Variants in DPP10 observed in about 807,000 individuals in gnomAD.
DPP10 encodes dipeptidyl peptidase like 10.
In DPP10, 33 loss-of-function variants were observed where a neutral mutation model predicts 120.9. The ratio of observed to expected loss-of-function variants is 0.27; its 90% CI spans 0.21 to 0.37. The LOEUF is 0.37. Among genes scored for constraint, DPP10 ranks in the 10% least tolerant of loss-of-function variants. The pLI, the probability that DPP10 is intolerant of heterozygous loss-of-function variation, is 1.00. For missense variants in DPP10, 816 were observed against 942.8 expected, an observed-to-expected ratio of 0.87 and a Z score of 1.76; for synonymous variants, 337 against 326.1, an observed-to-expected ratio of 1.03 and a Z score of -0.36.
chr2:115,395,876 G>C (rs991525696), intron 3 of DPP10, among the ~76,000 whole-genome samples: 2 of 151,812 alleles, frequency 1.3e-5, no homozygotes, highest in Non-Finnish European at 2.9e-5. Context: ...ATGTGTTGCT[G>C]TACATACTAT....
intron 3 of DPP10, among the ~76,000 whole-genome samples, chr2:115,414,407 A>G (rs1245668802): frequency 1.3e-5 from 2 of 152,146 alleles, no homozygotes; most frequent in African/African-American, 2.4e-5. Context: ...ATCATCTTTT[A>G]TCTCAACACT....
chr2:114,494,678 A>C (rs892167639), intron 1 of DPP10, among the ~76,000 whole-genome samples: 3 of 152,260 alleles, frequency 2.0e-5, no homozygotes, highest in South Asian at 2.1e-4. Flanking sequence ...TTCAAAAGGG[A>C]GTGACATACC....
chr2:114,798,598 A>AGAGC (rs1268259692), intron 1 of DPP10, among the ~76,000 whole-genome samples: 13 of 152,138 alleles, frequency 8.5e-5, no homozygotes, highest in African/African-American at 3.1e-4. Flanking sequence ...AATAATAAGC[A>AGAGC]GAGCTAAAGT....
chr2:114,490,478 G>A (rs1388728332), intron 1 of DPP10, among the ~76,000 whole-genome samples: 1 of 144,408 alleles, frequency 6.9e-6, no homozygotes, highest in South Asian at 2.2e-4. Context: ...GGCAGGTAAA[G>A]GGCCCTTGAG....
intron 1 of DPP10, among the ~76,000 whole-genome samples, chr2:115,191,752 G>A (rs1329223292): frequency 6.6e-6 from 1 of 152,096 alleles, no homozygotes; most frequent in Non-Finnish European, 1.5e-5. Context: ...AGGCCGGTTC[G>A]AGCTTTTCCT....
intron 1 of DPP10, among the ~76,000 whole-genome samples, chr2:114,803,771 G>C (rs564279080): frequency 6.6e-6 from 1 of 151,982 alleles, no homozygotes; most frequent in African/African-American, 2.4e-5. Flanking sequence ...CAGTTTATAA[G>C]GGAAGCACAG....
chr2:115,538,771 G>A lies in DPP10; in HGVS notation c.441+12799G>A, dbSNP rs572375343. Among the ~76,000 whole-genome samples, 46 of 152,024 alleles carry A rather than the reference G, an allele frequency of 3.0e-4. No homozygotes were observed. In the South Asian group the frequency reaches 8.1e-3, roughly 27 times the overall value. On this transcript the variant is annotated intron_variant, in intron 5 of 25. Transcript: ENST00000410059. ...TAATAAAATTAAACTACCTAGAACC[G>A]TGTGCCAATACTGCAGTCACCAGCC...
chr2:115,081,957 C>A (rs1387384399), intron 1 of DPP10, among the ~76,000 whole-genome samples: 1 of 152,138 alleles, frequency 6.6e-6, no homozygotes, highest in Non-Finnish European at 1.5e-5. Context: ...AAATCAAATA[C>A]CTTCAGGGAA....
At chr2:115,272,060 ATG>A (rs2059721986) in intron 1 of DPP10, among the ~76,000 whole-genome samples, 1 of 152,116 alleles carries the variant, frequency 6.6e-6, no homozygotes, top group African/African-American at 2.4e-5. Context: ...TAATAATTAA[ATG>A]TGTTTTATAA....
At chr2:114,802,941 T>G (rs1193951392) in intron 1 of DPP10, among the ~76,000 whole-genome samples, 1 of 152,194 alleles carries the variant, frequency 6.6e-6, no homozygotes, top group Non-Finnish European at 1.5e-5. Context: ...ATTGAGGAAC[T>G]TAACTTTTCC....
At chr2:115,106,072 T>C (rs182120086) in intron 1 of DPP10, among the ~76,000 whole-genome samples, 1 of 152,218 alleles carries the variant, frequency 6.6e-6, no homozygotes, top group African/African-American at 2.4e-5. Flanking sequence ...ATACATAGAA[T>C]TTCCATCACC....
intron 5 of DPP10, among the ~76,000 whole-genome samples, chr2:115,601,862 TA>T (rs1387449379): frequency 2.2e-4 from 33 of 150,416 alleles, no homozygotes; most frequent in African/African-American, 7.4e-4. Flanking sequence ...TTTTGTACTT[TA>T]ATAGAGACGG....
intron 1 of DPP10, among the ~76,000 whole-genome samples, chr2:114,478,444 A>G (rs73946166): frequency 0.028 from 4,268 of 152,154 alleles, 188 homozygotes; most frequent in African/African-American, 0.098. Flanking sequence ...TCTACAAAAA[A>G]CCTAAAATTA....
At chr2:115,272,166 TTATTA>T (rs1462708979) in intron 1 of DPP10, among the ~76,000 whole-genome samples, 2 of 152,206 alleles carry the variant, frequency 1.3e-5, no homozygotes, top group African/African-American at 2.4e-5. Flanking sequence ...TCATATAACT[TTATTA>T]TATTGTGAGT....
At chr2:114,981,768 T>G (rs1193018081) in intron 1 of DPP10, among the ~76,000 whole-genome samples, 1 of 140,116 alleles carries the variant, frequency 7.1e-6, no homozygotes, top group Non-Finnish European at 1.6e-5. Context: ...TTTGTTTTGT[T>G]TTTTGTTTTT....
At chr2:115,238,138 T>C (rs939622188) in intron 1 of DPP10, among the ~76,000 whole-genome samples, 4 of 152,188 alleles carry the variant, frequency 2.6e-5, no homozygotes, top group African/African-American at 9.6e-5. Context: ...CTGACTCTTT[T>C]GTTAGAGGCT....
chr2:115,539,155 G>A (rs1329926910), intron 5 of DPP10, among the ~76,000 whole-genome samples: 1 of 151,946 alleles, frequency 6.6e-6, no homozygotes, highest in African/African-American at 2.4e-5. Flanking sequence ...ATTAGAGGCT[G>A]TATAGGAGAC....
At chr2:114,754,237 C>T (rs1332676163) in intron 1 of DPP10, among the ~76,000 whole-genome samples, 1 of 152,126 alleles carries the variant, frequency 6.6e-6, no homozygotes, top group Non-Finnish European at 1.5e-5. Flanking sequence ...AGGCTTAGTA[C>T]AAGGGACCCG....
intron 5 of DPP10, among the ~76,000 whole-genome samples, chr2:115,653,901 T>G (rs982653526): frequency 1.3e-5 from 2 of 151,930 alleles, no homozygotes; most frequent in East Asian, 3.8e-4. Context: ...TTTATTGTTG[T>G]GAATGCTATA....
Sources: gnomAD v4.1 joint callset for allele counts (sites outside exome capture counted in the v4.1 genomes callset) on GRCh38, gnomAD v4.1.1 for gene constraint, MANE v1.5 for transcripts, NCBI Gene and HGNC (gene_info 2026-07-23, HGNC 2026-07-21) for gene names.